Variants in PLCB1 observed in about 807,000 individuals in gnomAD.
PLCB1 encodes the protein phospholipase C beta 1.
In PLCB1, 46 loss-of-function variants were observed where a neutral mutation model predicts 161.8. The ratio of observed to expected loss-of-function variants is 0.28; its 90% confidence interval spans 0.22 to 0.36. The LOEUF is 0.36. PLCB1 is among the 10% of genes least tolerant of loss of function. The pLI is 1.00. For missense variants in PLCB1, 1,016 were observed against 1,472.5 expected, an observed-to-expected ratio of 0.69 and a Z score of 5.07; for synonymous variants, 517 against 503.7, an observed-to-expected ratio of 1.03 and a Z score of -0.35.
At chr20:8,669,311 T>C (rs1989889617) in intron 9 of PLCB1, among the ~76,000 whole-genome samples, 1 of 152,240 alleles carries the variant, frequency 6.6e-6, no homozygotes, top group Non-Finnish European at 1.5e-5. Flanking sequence ...TACCTGCAAA[T>C]TGCCATGGTA....
chr20:8,758,645 T>C (rs1160015077), intron 24 of PLCB1, among the ~76,000 whole-genome samples: 1 of 152,022 alleles, frequency 6.6e-6, no homozygotes. Context: ...AAACAAGAAG[T>C]AAATTTTCAA....
intron 2 of PLCB1, among the ~76,000 whole-genome samples, chr20:8,315,500 A>G (rs1458940169): frequency 2.0e-5 from 3 of 152,168 alleles, no homozygotes; most frequent in African/African-American, 7.2e-5. Flanking sequence ...AAGAGAAATA[A>G]CTGGCCTTCA....
At chr20:8,335,368 G>C (rs1985533964) in intron 2 of PLCB1, among the ~76,000 whole-genome samples, 1 of 152,144 alleles carries the variant, frequency 6.6e-6, no homozygotes, top group South Asian at 2.1e-4. Flanking sequence ...AGACTGCCTT[G>C]GTGATGAACC....
At chr20:8,206,784 A>G (rs540409359) in intron 2 of PLCB1, among the ~76,000 whole-genome samples, 2 of 150,060 alleles carry the variant, frequency 1.3e-5, no homozygotes, top group South Asian at 2.1e-4. Flanking sequence ...AAGTCAGCAG[A>G]AAAAAAAAAG....
chr20:8,412,353 C>T (rs1342311648), intron 3 of PLCB1, among the ~76,000 whole-genome samples: 1 of 152,200 alleles, frequency 6.6e-6, no homozygotes, highest in Non-Finnish European at 1.5e-5. Flanking sequence ...ATGTACACAA[C>T]CCCCTACTTG....
Position 8,151,097 on chromosome 20 carries a change from A to C in PLCB1, c.177+726A>C, listed in dbSNP as rs143158144. 2.4e-3 allele frequency among the ~76,000 whole-genome samples: 363 copies of C among 152,316 alleles called. 2 individuals carry two copies. Among genetic ancestry groups the C allele is most frequent in the African/African-American group, 6.8e-3 (282 of 41,560 alleles). ...TTTCAAGCATCGTTGCCACAGTCCT[A>C]CACTTGAACCTCAGAGGCCACAGAA... On this transcript the variant is annotated intron_variant, in intron 2 of 31. Coordinates refer to ENST00000338037, the MANE Select transcript of PLCB1 (RefSeq NM_015192.4).
At chr20:8,788,762 G>A (rs1016750702) in intron 29 of PLCB1, 40 bp downstream of exon 29, 1 of 1,315,558 alleles carries the variant, frequency 7.6e-7, no homozygotes, top group African/African-American at 1.5e-5. Context: ...AGTTCATCTG[G>A]GAATTATTTT....
At chr20:8,636,196 G>A (rs1322266595) in intron 4 of PLCB1, among the ~76,000 whole-genome samples, 1 of 152,092 alleles carries the variant, frequency 6.6e-6, no homozygotes, top group Non-Finnish European at 1.5e-5. Context: ...AAAGATCACT[G>A]TTTGCAAACA....
intron 1 of PLCB1, among the ~76,000 whole-genome samples, chr20:8,140,525 T>C (rs1348181987): frequency 1.3e-5 from 2 of 152,182 alleles, no homozygotes; most frequent in East Asian, 3.9e-4. Context: ...ATAGCAGGCA[T>C]TCATGCTTAT....
intron 3 of PLCB1, among the ~76,000 whole-genome samples, chr20:8,521,682 C>T (rs941010110): frequency 2.6e-5 from 4 of 152,080 alleles, no homozygotes; most frequent in Non-Finnish European, 5.9e-5. Flanking sequence ...TAAAAAAAAT[C>T]CTTTCAATAA....
chr20:8,564,643 AAAAC>A (rs531921365), intron 3 of PLCB1, among the ~76,000 whole-genome samples: 270 of 152,334 alleles, frequency 1.8e-3, no homozygotes, highest in African/African-American at 6.2e-3. Context: ...TTACAAGAAA[AAAAC>A]AAACAACCCC....
chr20:8,382,984 T>G (rs1987307341), intron 3 of PLCB1, among the ~76,000 whole-genome samples: 1 of 152,240 alleles, frequency 6.6e-6, no homozygotes, highest in South Asian at 2.1e-4. Flanking sequence ...AAATGCCATG[T>G]GATACTGAGA....
rs116245037 is a variant in PLCB1, at chr20:8,290,425, A to G, written c.178-80957A>G. The stretch of plus-strand genomic sequence containing the variant: ...ATTATGGGCAGCTGGTGTTCAATCT[A>G]TGGAGTTGTCTAGGAGACAGCACAG... On this transcript the variant is annotated intron_variant, in intron 2 of 31. Coordinates refer to ENST00000338037, the MANE Select transcript of PLCB1 (RefSeq NM_015192.4). Among the ~76,000 whole-genome samples, 473 of 152,306 alleles carry G rather than the reference A, an allele frequency of 3.1e-3. 2 individuals carry two copies. The highest frequency in any genetic ancestry group is 0.011 in the African/African-American group (455 of 41,582).
chr20:8,295,616 A>G (rs6140590), intron 2 of PLCB1, among the ~76,000 whole-genome samples: 23,443 of 152,196 alleles, frequency 0.15, 2,391 homozygotes, highest in East Asian at 0.23. Flanking sequence ...AGATTGATCT[A>G]TAGCCAAAAT....
intron 3 of PLCB1, among the ~76,000 whole-genome samples, chr20:8,504,056 A>G (rs575979587): frequency 3.9e-5 from 6 of 152,274 alleles, no homozygotes; most frequent in Admixed American, 1.3e-4. Context: ...GTTAAGGAGC[A>G]TAAAGATTTT....
chr20:8,538,171 A>C (rs1014587484), intron 3 of PLCB1, among the ~76,000 whole-genome samples: 1 of 152,250 alleles, frequency 6.6e-6, no homozygotes, highest in Non-Finnish European at 1.5e-5. Flanking sequence ...GTGATTAATC[A>C]GCAAATAGTC....
chr20:8,433,640 A>G (rs1190315767), intron 3 of PLCB1, among the ~76,000 whole-genome samples: 2 of 147,012 alleles, frequency 1.4e-5, no homozygotes, highest in Admixed American at 6.7e-5. Flanking sequence ...GAAAATTTAT[A>G]ACGGACATAA....
intron 2 of PLCB1, among the ~76,000 whole-genome samples, chr20:8,224,630 A>G (rs1047971914): frequency 6.6e-6 from 1 of 152,222 alleles, no homozygotes; most frequent in African/African-American, 2.4e-5. Context: ...TGATGGTATT[A>G]TAGCAAAGAT....
chr20:8,545,250 A>T lies in PLCB1; in HGVS notation c.247-83044A>T, dbSNP rs374985801. On this transcript the variant is annotated intron_variant, in intron 3 of 31. Transcript: ENST00000338037. The stretch of plus-strand genomic sequence containing the variant: ...TCAGGAAAATACAAGGCATTTCTGG[A>T]ATGATGTGGTGGCCTGTTTGGCTGG... Among the ~76,000 whole-genome samples, 26 of 152,318 alleles carry T rather than the reference A, an allele frequency of 1.7e-4. No individual in the cohort carries two copies. The East Asian group carries it at 3.1e-3, about 18-fold the overall frequency.
Sources: allele counts gnomAD v4.1 joint callset (sites outside exome capture counted in the v4.1 genomes callset), GRCh38; gene constraint gnomAD v4.1.1; transcripts MANE v1.5; gene names NCBI Gene and HGNC (gene_info 2026-07-23, HGNC 2026-07-21).